The following TENM2 variants were observed in gnomAD, a reference collection of about 807,000 sequenced individuals.
TENM2 encodes teneurin-2.
TENM2 carries 52 observed loss-of-function variants against 245.2 expected under a neutral mutation model. That is an observed-to-expected ratio of 0.21 (90% confidence interval 0.17 to 0.27). The LOEUF (loss-of-function observed/expected upper bound fraction) is 0.27. Ranked by LOEUF, TENM2 falls within the 10% of genes least tolerant of loss-of-function variation. The pLI is 1.00. For synonymous variants in TENM2, 1,363 were observed against 1,438.9 expected (o/e 0.95, Z 1.19); for missense variants, 3,046 against 3,666.8 (o/e 0.83, Z 4.37).
intron 14 of TENM2, 109 bp from the exon 17 acceptor site, chr5:168,195,067 C>T (rs1761291830): frequency 7.7e-7 from 1 of 1,299,084 alleles, no homozygotes; most frequent in African/African-American, 1.5e-5. Context: ...ATGTTGAAAG[C>T]CTTCTCCTTG....
At chr5:167,940,111 G>A (rs1779055357) in intron 3 of TENM2, among the ~76,000 whole-genome samples, 1 of 152,130 alleles carries the variant, frequency 6.6e-6, no homozygotes, top group African/African-American at 2.4e-5. Flanking sequence ...TGGCAAGGAA[G>A]CCCATGATAA....
At chr5:168,098,826 G>T (rs556034184) in intron 9 of TENM2, among the ~76,000 whole-genome samples, 2 of 151,210 alleles carry the variant, frequency 1.3e-5, no homozygotes, top group South Asian at 4.3e-4. Context: ...GACACACAAG[G>T]GTATATGTCT....
At chr5:167,995,994 A>G (rs775171650) in intron 5 of TENM2, among the ~76,000 whole-genome samples, 5 of 152,108 alleles carry the variant, frequency 3.3e-5, no homozygotes, top group Non-Finnish European at 5.9e-5. Flanking sequence ...TTCCACTAGA[A>G]CATGACAGGT....
At position 167,483,640 on chromosome 5, in the gene TENM2, C is replaced by A. The variant is rs527682144; in HGVS notation, c.502+108167C>A. ...ATTCTGTGTGTACTTCTGTTATATTCAAACAAGCTAATGAGTACATTCTTT... is the reference window on the plus strand; with the variant it reads ...ATTCTGTGTGTACTTCTGTTATATTAAAACAAGCTAATGAGTACATTCTTT... On this transcript the variant is annotated intron_variant, in intron 2 of 28. Coordinates refer to ENST00000518659, the Ensembl canonical transcript of TENM2. 3.5e-3 allele frequency among the ~76,000 whole-genome samples: 540 copies of A among 152,256 alleles called. 8 individuals carry two copies. The highest frequency in any genetic ancestry group is 0.027 in the Middle Eastern group (8 of 294).
chr5:167,640,842 C>CATATATATATATATCTATATAT (rs1561628529), intron 2 of TENM2, among the ~76,000 whole-genome samples: 1 of 75,488 alleles, frequency 1.3e-5, no homozygotes, highest in African/African-American at 3.9e-5. Context: ...TATATATATC[C>CATATATATATATATCTATATAT]ATATATATAT....
the TENM2 span, among the ~76,000 whole-genome samples, chr5:167,196,911 C>T: frequency 6.6e-6 from 1 of 151,896 alleles, no homozygotes; most frequent in African/African-American, 2.4e-5. Context: ...TGGAACTAAT[C>T]TCCAGCGAGT....
intron 2 of TENM2, among the ~76,000 whole-genome samples, chr5:167,461,325 T>C (rs2127492871): frequency 6.6e-6 from 1 of 152,240 alleles, no homozygotes; most frequent in South Asian, 2.1e-4. Context: ...GAATAACTCT[T>C]TTCCTTTATA....
the TENM2 span, among the ~76,000 whole-genome samples, chr5:167,061,080 T>A: frequency 1.0e-5 from 1 of 97,480 alleles, no homozygotes; most frequent in Non-Finnish European, 2.0e-5. Context: ...GCGTGATTAA[T>A]CTCTCTCCAA....
chr5:167,212,194 A>G, the TENM2 span, among the ~76,000 whole-genome samples: 226 of 152,320 alleles, frequency 1.5e-3, 1 homozygote, highest in Middle Eastern at 0.01. Context: ...GAAGTGAAAC[A>G]GCTCTATGAA....
At chr5:167,157,991 A>G in the TENM2 span, among the ~76,000 whole-genome samples, 18 of 152,336 alleles carry the variant, frequency 1.2e-4, no homozygotes, top group African/African-American at 4.1e-4. Flanking sequence ...TTGTTTTCCT[A>G]TGAGAGCACA....
At chr5:168,074,513 G>A (rs746265010) in intron 7 of TENM2, among the ~76,000 whole-genome samples, 6 of 152,170 alleles carry the variant, frequency 3.9e-5, no homozygotes, top group Admixed American at 6.5e-5. Flanking sequence ...ATCAGCTCCA[G>A]AAGGACAGCA....
chr5:167,443,564 A>G (rs1293124769), intron 2 of TENM2, among the ~76,000 whole-genome samples: 2 of 152,138 alleles, frequency 1.3e-5, no homozygotes, highest in Non-Finnish European at 2.9e-5. Flanking sequence ...TGCTTTTATT[A>G]CCTTGAAACA....
the TENM2 span, among the ~76,000 whole-genome samples, chr5:167,213,183 T>G: frequency 6.6e-6 from 1 of 152,244 alleles, no homozygotes; most frequent in Admixed American, 6.5e-5. Context: ...GCTATGCCTC[T>G]GTAATGTTCA....
At chr5:167,383,001 G>T (rs1304575898) in intron 2 of TENM2, among the ~76,000 whole-genome samples, 1 of 152,032 alleles carries the variant, frequency 6.6e-6, no homozygotes, top group Non-Finnish European at 1.5e-5. Flanking sequence ...CAGATGAAGA[G>T]TTGTGTTAAT....
At chr5:167,083,104 A>T in the TENM2 span, among the ~76,000 whole-genome samples, 1 of 152,180 alleles carries the variant, frequency 6.6e-6, no homozygotes, top group East Asian at 1.9e-4. Context: ...TAAGGTTGGT[A>T]AAACTCTCTT....
intron 2 of TENM2, among the ~76,000 whole-genome samples, chr5:167,570,960 C>T (rs1040530185): frequency 2.6e-5 from 4 of 151,928 alleles, no homozygotes; most frequent in Admixed American, 6.6e-5. Flanking sequence ...AGTGGTAGAA[C>T]TTATTGAGTT....
In TENM2 at chr5:167,814,218, T is replaced by C. The variant is rs376465807; in HGVS notation, c.503-61768T>C. ...CTCAAGGGAATCTCTACAAACACTT[T>C]GGGTTTACATGGTGCCAAGCCCAAG... is the stretch of plus-strand genomic sequence containing the variant. On this transcript the variant is annotated intron_variant, in intron 2 of 28. Transcript: ENST00000518659. 2.6e-5 allele frequency among the ~76,000 whole-genome samples: 4 copies of C among 152,132 alleles called. No individual in the cohort carries two copies. The East Asian group carries it at 5.8e-4, about 22-fold the overall frequency.
intron 7 of TENM2, among the ~76,000 whole-genome samples, chr5:168,078,367 C>T (rs1284983703): frequency 6.6e-6 from 1 of 152,116 alleles, no homozygotes; most frequent in Admixed American, 6.5e-5. Flanking sequence ...AATTTTCTCC[C>T]ATTCTGTAGG....
At position 168,247,255 on chromosome 5, in the gene TENM2, G is replaced by A. The variant is rs552391923; in HGVS notation, c.6316G>A (p.Val2106Ile). The A allele has an allele frequency of 3.1e-5, 50 of 1,613,944 alleles. No individual in the cohort carries two copies. In the East Asian group the frequency reaches 7.8e-4, roughly 25 times the overall value. Residue 2106 changes from valine to isoleucine, a missense_variant, in exon 27 of 29, where the codon GTC (valine) becomes ATC (isoleucine). Physicochemically the swap from Val to Ile is conservative, Grantham distance 29 (BLOSUM62 3). Coordinates refer to ENST00000518659, the Ensembl canonical transcript of TENM2. This position sits in a 1 kb window ranked among gnomAD's most constrained non-coding sequence, Gnocchi z 7.8. ...CTTCCGCATCGCAAGCATCAAGCCC[G>A]TCATAAGTGAGACTCCCCTCCCCGT...
Sources: allele counts gnomAD v4.1 joint callset (sites outside exome capture counted in the v4.1 genomes callset), GRCh38; gene constraint gnomAD v4.1.1; non-coding constraint Gnocchi (gnomAD v3.1); transcripts MANE v1.5; gene names NCBI Gene and HGNC (gene_info 2026-07-23, HGNC 2026-07-21).